ZNF679: variants seen among roughly 807,000 people sequenced by gnomAD.
ZNF679 encodes the protein hypothetical protein MGC42415.
ZNF679 carries 10 observed loss-of-function variants against 13.4 expected under a neutral mutation model. The ratio of observed to expected loss-of-function variants is 0.75; its 90% confidence interval spans 0.46 to 1.27. The LOEUF is 1.27. ZNF679 is among the 50% of genes most tolerant of loss of function. ZNF679 has a pLI of 0.00. For synonymous variants in ZNF679, 179 were observed against 162.5 expected (o/e 1.10, Z -0.77); for missense variants, 525 against 477.8 (o/e 1.10, Z -0.92).
At chr7:64,255,616 A>T (rs919382971) in intron 2 of ZNF679, among the ~76,000 whole-genome samples, 1 of 149,486 alleles carries the variant, frequency 6.7e-6, no homozygotes. Flanking sequence ...GATTTTTTTT[A>T]TTTTTTTTTT....
At chr7:64,247,752 A>G (rs1373525364) in intron 1 of ZNF679, among the ~76,000 whole-genome samples, 5 of 151,938 alleles carry the variant, frequency 3.3e-5, no homozygotes, top group African/African-American at 1.2e-4. Context: ...AGGTTTTGCC[A>G]TGTTAGCTAG....
intron 2 of ZNF679, 64 bp downstream of exon 2, chr7:64,249,220 C>T: frequency 6.2e-7 from 1 of 1,613,700 alleles, no homozygotes; most frequent in South Asian, 1.1e-5. Flanking sequence ...CTGAAAGTGG[C>T]TGTAGCAGGA....
Position 64,266,633 on chromosome 7 carries a change from A to G in ZNF679, c.1000A>G (p.Asn334Asp). 1 of 1,610,704 alleles carries G rather than the reference A, an allele frequency of 6.2e-7. No homozygotes were observed. The highest frequency in any genetic ancestry group is 8.5e-7 in the Non-Finnish European group (1 of 1,177,156). Residue 334 changes from asparagine to aspartate, a missense_variant, in exon 5 of 5, where the codon AAC becomes GAC. Coordinates refer to ENST00000421025, the MANE Select transcript of ZNF679 (RefSeq NM_153363.3). ...ATGTGAAGAATGTGGCAAAGCCTTT[A>G]ACTGCTCCTCAACCCTTAAGAAACA... ...YTCEECGKAF[N>D]CSSTLKKHKI...
intron 2 of ZNF679, among the ~76,000 whole-genome samples, chr7:64,257,188 G>A (rs751540411): frequency 1.8e-4 from 27 of 152,180 alleles, no homozygotes; most frequent in Non-Finnish European, 3.5e-4. Flanking sequence ...TTTGTAAATT[G>A]AGATCTTTCT....
chr7:64,249,002 G>T, intron 1 of ZNF679, 26 bp from the exon 2 acceptor site: 1 of 1,484,732 alleles, frequency 6.7e-7, no homozygotes, highest in East Asian at 2.4e-5. Context: ...TAATTTTCCG[G>T]GTCCTTTGTG....
Position 64,263,590 on chromosome 7 carries a change from G to T in ZNF679, c.263-2306G>T, listed in dbSNP as rs1016739914. 3.9e-4 allele frequency among the ~76,000 whole-genome samples: 59 copies of T among 152,046 alleles called. 1 individual carries two copies. The highest frequency in any genetic ancestry group is 1.2e-4 in the Non-Finnish European group (8 of 68,016). On this transcript the variant is annotated intron_variant, in intron 4 of 4. Coordinates refer to ENST00000421025, the MANE Select transcript of ZNF679 (RefSeq NM_153363.3). ...GAGACAAATCCCTCATGAATGACTT[G>T]GTACAATCCCCTTGGTAATCATAGA...
chr7:64,230,085 G>A (rs1787616216), intron 1 of ZNF679, among the ~76,000 whole-genome samples: 1 of 152,188 alleles, frequency 6.6e-6, no homozygotes, highest in Non-Finnish European at 1.5e-5. Flanking sequence ...ATTCTTACTG[G>A]AAGCAGGACC....
chr7:64,232,798 A>G (rs1246528902), intron 1 of ZNF679, among the ~76,000 whole-genome samples: 1 of 152,170 alleles, frequency 6.6e-6, no homozygotes, highest in Non-Finnish European at 1.5e-5. Context: ...GCAGGGCTAA[A>G]AGGGGAGAGT....
At chr7:64,242,753 T>A (rs1365244294) in intron 1 of ZNF679, among the ~76,000 whole-genome samples, 1 of 139,956 alleles carries the variant, frequency 7.1e-6, no homozygotes, top group African/African-American at 2.7e-5. Flanking sequence ...TGCATGTGTG[T>A]GGTAATCACC....
intron 1 of ZNF679, among the ~76,000 whole-genome samples, chr7:64,235,345 A>G (rs540637517): frequency 5.9e-5 from 9 of 152,082 alleles, no homozygotes; most frequent in East Asian, 1.9e-4. Flanking sequence ...CAAAAAAAAA[A>G]AGACAAACCC....
chr7:64,231,056 A>G (rs570924271), intron 1 of ZNF679, among the ~76,000 whole-genome samples: 2 of 152,344 alleles, frequency 1.3e-5, no homozygotes, highest in East Asian at 1.9e-4. Flanking sequence ...TGAGAGTCAC[A>G]GTCCCATCTG....
At chr7:64,241,765 G>A (rs552062932) in intron 1 of ZNF679, among the ~76,000 whole-genome samples, 2 of 152,322 alleles carry the variant, frequency 1.3e-5, no homozygotes, top group African/African-American at 4.8e-5. Context: ...TTGGCCCAGA[G>A]ATATTTTGTA....
chr7:64,252,955 T>C (rs1276650346), intron 2 of ZNF679, among the ~76,000 whole-genome samples: 1 of 152,166 alleles, frequency 6.6e-6, no homozygotes, highest in Non-Finnish European at 1.5e-5. Flanking sequence ...TGACCTCAGG[T>C]GATCCAGCCA....
chr7:64,260,423 G>C, intron 3 of ZNF679, 76 bp downstream of exon 3: 2 of 1,547,070 alleles, frequency 1.3e-6, no homozygotes, highest in Admixed American at 4.4e-5. Context: ...GGTAATTTCT[G>C]CTTTGCATGA....
chr7:64,255,894 C>A (rs940289780), intron 2 of ZNF679, among the ~76,000 whole-genome samples: 6 of 152,104 alleles, frequency 3.9e-5, no homozygotes, highest in African/African-American at 1.4e-4. Context: ...CAGGTGTGAG[C>A]CACCGCGCCT....
chr7:64,232,592 C>T (rs1280313083), intron 1 of ZNF679, among the ~76,000 whole-genome samples: 2 of 152,122 alleles, frequency 1.3e-5, no homozygotes, highest in Admixed American at 6.6e-5. Flanking sequence ...TGCAGGCAGG[C>T]ATGTGGGTGC....
chr7:64,252,550 A>T (rs1256638977), intron 2 of ZNF679, among the ~76,000 whole-genome samples: 1 of 152,180 alleles, frequency 6.6e-6, no homozygotes, highest in East Asian at 1.9e-4. Context: ...TACCAAGGGA[A>T]ATAATATGAA....
At position 64,254,159 on chromosome 7, in the gene ZNF679, C is replaced by A. The variant is rs144576226; in HGVS notation, c.39+5003C>A. 3.8e-3 allele frequency among the ~76,000 whole-genome samples: 574 copies of A among 151,048 alleles called. 5 individuals carry two copies. The highest frequency in any genetic ancestry group is 0.012 in the African/African-American group (511 of 41,216). On this transcript the variant is annotated intron_variant, in intron 2 of 4. Transcript: ENST00000421025. ...TTTTTTTTTGAGACAAAGTCTTGCT[C>A]TGTCACCCAGGCTGGAATGCAGTGG...
intron 1 of ZNF679, among the ~76,000 whole-genome samples, chr7:64,236,951 A>AGAAAGAAAGAAAGAAAGAAAGAAAGAAAG (rs780136717): frequency 2.9e-5 from 1 of 34,676 alleles, no homozygotes; most frequent in Non-Finnish European, 6.1e-5. Context: ...GAAAGAAAGA[A>AGAAAGAAAGAAAGAAAGAAAGAAAGAAAG]AGAAAGAAAG....
Sources: gnomAD v4.1 joint callset for allele counts (sites outside exome capture counted in the v4.1 genomes callset) on GRCh38, gnomAD v4.1.1 for gene constraint, MANE v1.5 for transcripts, NCBI Gene and HGNC (gene_info 2026-07-23, HGNC 2026-07-21) for gene names.